Variants in EFHD1 observed in about 807,000 individuals in gnomAD.
EFHD1 encodes the protein EF-hand domain family member D1, also known as EF-hand domain-containing protein D1.
Under a neutral mutation model 17.2 loss-of-function variants are expected in EFHD1, and 10 were observed. The observed-to-expected ratio is 0.58, with a 90% CI of 0.36 to 0.99. The LOEUF (loss-of-function observed/expected upper bound fraction) is 0.99. Ranked by LOEUF, EFHD1 falls within the 50% of genes least tolerant of loss-of-function variation. The probability of loss-of-function intolerance (pLI) is 0.01; values close to 1 mark genes in which losing one functional copy is unlikely to be tolerated. For missense variants in EFHD1, 310 were observed against 327.5 expected (o/e 0.95, Z 0.41); for synonymous variants, 153 against 142.0 (o/e 1.08, Z -0.55).
At chr2:232,659,744 CTA>C (rs1694823642) in intron 1 of EFHD1, among the ~76,000 whole-genome samples, 1 of 149,132 alleles carries the variant, frequency 6.7e-6, no homozygotes, top group Non-Finnish European at 1.5e-5. Context: ...CTGAGACTAA[CTA>C]ATTTATAAGA....
At chr2:232,680,367 T>C (rs979333898) in intron 3 of EFHD1, among the ~76,000 whole-genome samples, 5 of 73,376 alleles carry the variant, frequency 6.8e-5, no homozygotes, top group Non-Finnish European at 1.0e-4. Flanking sequence ...GATTTTTAGA[T>C]GGGTTTATCT....
chr2:232,615,491 T>C (rs1047922065), intron 1 of EFHD1, among the ~76,000 whole-genome samples: 2 of 152,098 alleles, frequency 1.3e-5, no homozygotes, highest in Admixed American at 1.3e-4. Context: ...TTTCCCTGCC[T>C]GCTCTTGTTT....
At chr2:232,625,393 G>T (rs1438622785) in intron 1 of EFHD1, among the ~76,000 whole-genome samples, 1 of 151,812 alleles carries the variant, frequency 6.6e-6, no homozygotes, top group Non-Finnish European at 1.5e-5. Flanking sequence ...TCCGACATTG[G>T]CCTCCCAAAG....
intron 2 of EFHD1, among the ~76,000 whole-genome samples, chr2:232,670,440 C>CA (rs369519254): frequency 9.1e-4 from 129 of 141,274 alleles, no homozygotes; most frequent in African/African-American, 2.4e-3. Context: ...GACTGCATCT[C>CA]AAAAAAAAAA....
At chr2:232,634,873 G>A (rs1694288213) in intron 1 of EFHD1, among the ~76,000 whole-genome samples, 1 of 152,236 alleles carries the variant, frequency 6.6e-6, no homozygotes. Flanking sequence ...GAATTGAGCC[G>A]AGACCGGAAA....
chr2:232,606,587 A>G, intron 1 of EFHD1: 1 of 227,012 alleles, frequency 4.4e-6, no homozygotes, highest in Non-Finnish European at 9.1e-6. Context: ...ACCGACCCTC[A>G]TCTTTAAAGT....
At chr2:232,613,933 C>T (rs184992656) in intron 1 of EFHD1, among the ~76,000 whole-genome samples, 1 of 151,640 alleles carries the variant, frequency 6.6e-6, no homozygotes, top group East Asian at 1.9e-4. Flanking sequence ...TATACACATA[C>T]CCATATACAC....
At chr2:232,659,931 CACACTTTTGA>C (rs1164715409) in intron 1 of EFHD1, among the ~76,000 whole-genome samples, 1 of 152,076 alleles carries the variant, frequency 6.6e-6, no homozygotes, top group Non-Finnish European at 1.5e-5. Flanking sequence ...GGAAGTGCTG[CACACTTTTGA>C]ACAACCAGGT....
At chr2:232,634,564 T>C (rs1694279499) in intron 1 of EFHD1, among the ~76,000 whole-genome samples, 1 of 151,976 alleles carries the variant, frequency 6.6e-6, no homozygotes, top group Non-Finnish European at 1.5e-5. Flanking sequence ...CCCGGGAGCC[T>C]CCTGGGGGCG....
At chr2:232,606,430 C>T (rs903037024) in intron 1 of EFHD1, 45 of 590,752 alleles carry the variant, frequency 7.6e-5, no homozygotes, top group African/African-American at 6.5e-4. Context: ...GCAGCAATCC[C>T]AGGGTGTGCT....
Position 232,662,933 on chromosome 2 carries a change from A to C in EFHD1, c.434A>C (p.Lys145Thr). The C allele has an allele frequency of 6.3e-7, 1 of 1,588,638 alleles. No homozygotes were observed. Among genetic ancestry groups the C allele is most frequent in the Non-Finnish European group, 8.5e-7 (1 of 1,170,454 alleles). Residue 145 changes from lysine to threonine, a missense_variant, in exon 2 of 4, where the codon AAG (lysine) becomes ACG (threonine). Coordinates refer to ENST00000264059, the MANE Select transcript of EFHD1 (RefSeq NM_025202.4). ...IKEVDEDFDG[K>T]LSFREFLLIF... ...GAGGTGGATGAGGACTTCGATGGCA[A>C]GCTCAGCTTCCGGGAGGTACCTGCC...
intron 1 of EFHD1, among the ~76,000 whole-genome samples, chr2:232,621,357 G>A (rs1048576595): frequency 5.3e-5 from 8 of 152,136 alleles, no homozygotes; most frequent in South Asian, 2.1e-4. Context: ...GGGACACAGC[G>A]GCAGAGTGAC....
Position 232,681,694 on chromosome 2 carries a change from A to T in EFHD1, c.695A>T (p.Lys232Ile), listed in dbSNP as rs1276467445. The change falls in exon 4 of 4, where the codon AAA becomes ATA. Residue 232 changes from lysine to isoleucine, a missense_variant. Lys to Ile is a moderately radical substitution (Grantham distance 102, BLOSUM62 -3). Coordinates refer to ENST00000264059, the MANE Select transcript of EFHD1 (RefSeq NM_025202.4). ...CGGCTCCGCCAGGCAGCCTTCCAGAAACTCAAGGCCAACTTCAATACATAG... is the reference window on the plus strand; with the variant it reads ...CGGCTCCGCCAGGCAGCCTTCCAGATACTCAAGGCCAACTTCAATACATAG... ...ERRLRQAAFQ[K>I]LKANFNT The T allele has an allele frequency of 1.9e-6, 3 of 1,614,220 alleles. No homozygotes were observed. Among genetic ancestry groups the T allele is most frequent in the Non-Finnish European group, 2.5e-6 (3 of 1,180,038 alleles).
At chr2:232,665,751 A>T (rs1694957541) in intron 2 of EFHD1, among the ~76,000 whole-genome samples, 1 of 152,220 alleles carries the variant, frequency 6.6e-6, no homozygotes, top group Non-Finnish European at 1.5e-5. Context: ...ATAATATCAG[A>T]TTAAAGGCTC....
chr2:232,619,102 G>A (rs895717321), intron 1 of EFHD1, among the ~76,000 whole-genome samples: 9 of 150,846 alleles, frequency 6.0e-5, no homozygotes, highest in South Asian at 2.1e-4. Flanking sequence ...GCAGTGAGCC[G>A]AGATCGCGCC....
chr2:232,627,142 G>A (rs1257372899), intron 1 of EFHD1, among the ~76,000 whole-genome samples: 1 of 146,706 alleles, frequency 6.8e-6, no homozygotes, highest in East Asian at 2.0e-4. Context: ...GAGGTAGGAG[G>A]ATCACTTAAC....
chr2:232,650,690 T>C (rs901006670), intron 1 of EFHD1, among the ~76,000 whole-genome samples: 6 of 147,914 alleles, frequency 4.1e-5, no homozygotes, highest in African/African-American at 1.5e-4. Flanking sequence ...TGCCTCAGCC[T>C]CCCAAGTAGC....
At chr2:232,678,555 C>T (rs954831454) in intron 3 of EFHD1, among the ~76,000 whole-genome samples, 6 of 152,228 alleles carry the variant, frequency 3.9e-5, no homozygotes, top group East Asian at 1.9e-4. Flanking sequence ...GAGGCCGAGG[C>T]GGTTGGATCA....
intron 1 of EFHD1, among the ~76,000 whole-genome samples, chr2:232,659,014 A>G (rs1574725022): frequency 6.6e-6 from 1 of 152,046 alleles, no homozygotes; most frequent in Admixed American, 6.6e-5. Flanking sequence ...TAAAGTGCTC[A>G]CAAACCGTCC....
Sources: gnomAD v4.1 joint callset for allele counts (sites outside exome capture counted in the v4.1 genomes callset) on GRCh38, gnomAD v4.1.1 for gene constraint, MANE v1.5 for transcripts, NCBI Gene and HGNC (gene_info 2026-07-23, HGNC 2026-07-21) for gene names.